ADCY8: variants seen among roughly 807,000 people sequenced by gnomAD.
The protein encoded by ADCY8 is adenylate cyclase type 8.
In ADCY8, 51 loss-of-function variants were observed where a neutral mutation model predicts 119.7. The ratio of observed to expected loss-of-function variants is 0.43; its 90% CI spans 0.34 to 0.54. The LOEUF (loss-of-function observed/expected upper bound fraction) is 0.54, where lower values mean the gene tolerates loss of function less well. Among genes scored for constraint, ADCY8 ranks in the 20% least tolerant of loss-of-function variants. The pLI, the probability that ADCY8 is intolerant of heterozygous loss-of-function variation, is 0.03. For missense variants in ADCY8, 1,383 were observed against 1,598.8 expected, an observed-to-expected ratio of 0.87 and a Z score of 2.30; for synonymous variants, 665 against 651.0, an observed-to-expected ratio of 1.02 and a Z score of -0.33.
chr8:130,869,596 C>T (rs543141803), intron 8 of ADCY8, among the ~76,000 whole-genome samples: 4 of 149,726 alleles, frequency 2.7e-5, no homozygotes, highest in African/African-American at 7.5e-5. Context: ...CGGTTCACTG[C>T]AAGCTCTGCC....
At chr8:130,903,325 T>A (rs11777920) in intron 7 of ADCY8, among the ~76,000 whole-genome samples, 73,786 of 151,584 alleles carry the variant, frequency 0.49, 19,093 homozygotes, top group East Asian at 0.63. Flanking sequence ...TTTCCAAATC[T>A]GCAGTGCCCC....
intron 2 of ADCY8, among the ~76,000 whole-genome samples, chr8:130,980,949 T>G (rs1822220890): frequency 6.6e-6 from 1 of 152,190 alleles, no homozygotes; most frequent in African/African-American, 2.4e-5. Context: ...CACTAAACAC[T>G]CATAGCTAGC....
intron 9 of ADCY8, among the ~76,000 whole-genome samples, chr8:130,850,591 AT>A (rs1490690001): frequency 6.6e-6 from 1 of 151,956 alleles, no homozygotes; most frequent in East Asian, 1.9e-4. Context: ...GGCAGCTCTA[AT>A]TTTTCCATCT....
At chr8:130,839,001 A>C (rs1206537727) in intron 11 of ADCY8, among the ~76,000 whole-genome samples, 8 of 140,344 alleles carry the variant, frequency 5.7e-5, no homozygotes, top group African/African-American at 2.0e-4. Flanking sequence ...AGAGGATTTC[A>C]CACAGTAGAA....
intron 11 of ADCY8, among the ~76,000 whole-genome samples, chr8:130,840,815 T>C (rs773724582): frequency 1.3e-5 from 2 of 152,130 alleles, no homozygotes; most frequent in Non-Finnish European, 2.9e-5. Context: ...AAAATAATAA[T>C]GCCAAGATTT....
At chr8:130,979,745 G>A (rs1026737959) in intron 2 of ADCY8, among the ~76,000 whole-genome samples, 3 of 152,148 alleles carry the variant, frequency 2.0e-5, no homozygotes, top group Admixed American at 6.5e-5. Flanking sequence ...GGATTTATCT[G>A]AGGATTGAAT....
intron 5 of ADCY8, among the ~76,000 whole-genome samples, chr8:130,936,285 C>G (rs1820784480): frequency 6.6e-6 from 1 of 152,092 alleles, no homozygotes; most frequent in African/African-American, 2.4e-5. Context: ...AATTCCTTCC[C>G]CCTTGATCCA....
rs574087125 is a variant in ADCY8 at position 130,890,340 on chromosome 8, T to TA, written c.1912-5580dup. Among the ~76,000 whole-genome samples the TA allele has an allele frequency of 1.4e-3, 220 of 152,196 alleles. 2 individuals are homozygous for TA. The highest frequency in any genetic ancestry group is 2.6e-3 in the Admixed American group (39 of 15,274). On this transcript the variant is annotated intron_variant, in intron 7 of 17. Transcript: ENST00000286355. The stretch of plus-strand genomic sequence containing the variant: ...CGTTGTGCACATGTACCCTAAAACT[T>TA]AAAGTATAATAAAACATAAAACTAA...
At chr8:130,909,909 A>T in intron 5 of ADCY8, 43 bp from the exon 6 acceptor site, 1 of 1,571,582 alleles carries the variant, frequency 6.4e-7, no homozygotes, top group Non-Finnish European at 8.7e-7. Flanking sequence ...ATAAGACCAG[A>T]GTGGGCATCG....
chr8:130,956,458 G>T (rs1403715491), intron 2 of ADCY8, among the ~76,000 whole-genome samples: 4 of 152,230 alleles, frequency 2.6e-5, no homozygotes, highest in South Asian at 4.2e-4. Flanking sequence ...CAAATTTGAG[G>T]GTAAATCTCA....
chr8:130,859,626 A>G (rs979567643), intron 9 of ADCY8, among the ~76,000 whole-genome samples: 5 of 152,220 alleles, frequency 3.3e-5, no homozygotes, highest in Non-Finnish European at 5.9e-5. Flanking sequence ...TGATTCCATC[A>G]TGGGATCCCC....
intron 7 of ADCY8, among the ~76,000 whole-genome samples, chr8:130,896,064 C>A (rs1819376972): frequency 2.0e-5 from 3 of 152,068 alleles, no homozygotes; most frequent in Admixed American, 2.0e-4. Context: ...GGTCTTGTTC[C>A]CTCATTCTTG....
At chr8:130,875,068 G>T (rs1033169198) in intron 8 of ADCY8, among the ~76,000 whole-genome samples, 28 of 152,108 alleles carry the variant, frequency 1.8e-4, no homozygotes, top group Non-Finnish European at 3.7e-4. Flanking sequence ...GAAAATGCTG[G>T]CTTTATGGGA....
intron 1 of ADCY8, among the ~76,000 whole-genome samples, chr8:131,015,050 A>T (rs187156419): frequency 3.3e-4 from 51 of 152,322 alleles, no homozygotes; most frequent in African/African-American, 1.2e-3. Flanking sequence ...CCCAGGGCAC[A>T]TGCTATTGGG....
At chr8:130,814,300 G>T in intron 13 of ADCY8, 73 bp from the exon 14 acceptor site, 1 of 1,524,230 alleles carries the variant, frequency 6.6e-7, no homozygotes. Context: ...CAGACAACTG[G>T]GAGGCAGGAA....
At chr8:130,996,726 G>A (rs957457360) in intron 1 of ADCY8, among the ~76,000 whole-genome samples, 1 of 152,042 alleles carries the variant, frequency 6.6e-6, no homozygotes, top group Non-Finnish European at 1.5e-5. Context: ...ACTATAAAAA[G>A]GGGGAAAAAT....
intron 14 of ADCY8, among the ~76,000 whole-genome samples, chr8:130,806,905 C>T (rs1476178213): frequency 6.6e-6 from 1 of 152,110 alleles, no homozygotes; most frequent in Non-Finnish European, 1.5e-5. Context: ...GAGCTCTGGA[C>T]AACCTACATA....
At chr8:130,800,341 A>AAAT in intron 15 of ADCY8, 85 bp downstream of exon 15, 1 of 1,543,106 alleles carries the variant, frequency 6.5e-7, no homozygotes, top group Non-Finnish European at 8.8e-7. Flanking sequence ...CAAAAAAAAA[A>AAAT]AATAAGTAAT....
At chr8:130,991,984 G>A (rs1822592767) in intron 1 of ADCY8, among the ~76,000 whole-genome samples, 1 of 151,550 alleles carries the variant, frequency 6.6e-6, no homozygotes, top group South Asian at 2.1e-4. Context: ...ATAGATGACG[G>A]AAGAATCAGT....
Sources: gnomAD v4.1 joint callset for allele counts (sites outside exome capture counted in the v4.1 genomes callset) on GRCh38, gnomAD v4.1.1 for gene constraint, MANE v1.5 for transcripts, NCBI Gene and HGNC (gene_info 2026-07-23, HGNC 2026-07-21) for gene names.